The following MTUS2 variants were observed in gnomAD, a reference collection of about 807,000 sequenced individuals.
MTUS2 encodes the protein microtubule associated scaffold protein 2.
In MTUS2, 40 loss-of-function variants were observed where a neutral mutation model predicts 114.1. That is an observed-to-expected ratio of 0.35 (90% CI 0.27 to 0.46). MTUS2 has a LOEUF of 0.46. MTUS2 is among the 20% of genes least tolerant of loss of function. MTUS2 has a pLI of 1.00. For missense variants in MTUS2, 1,679 were observed against 1,705.4 expected (o/e 0.98, Z 0.27); for synonymous variants, 688 against 672.0 (o/e 1.02, Z -0.37).
chr13:29,467,595 G>A (rs1239301033), intron 9 of MTUS2, among the ~76,000 whole-genome samples: 1 of 151,628 alleles, frequency 6.6e-6, no homozygotes. Context: ...CTGTTTATGG[G>A]CAGTAGTGTT....
intron 6 of MTUS2, among the ~76,000 whole-genome samples, chr13:29,289,464 CTTTTT>C: frequency 7.2e-6 from 1 of 139,718 alleles, no homozygotes; most frequent in African/African-American, 2.7e-5. Flanking sequence ...GTAGGCATTT[CTTTTT>C]TTTTTTTTTT....
At chr13:29,399,482 G>A (rs1324707427) in intron 8 of MTUS2, among the ~76,000 whole-genome samples, 1 of 151,982 alleles carries the variant, frequency 6.6e-6, no homozygotes, top group African/African-American at 2.4e-5. Flanking sequence ...TCCAATACAC[G>A]GTTCAAAGAT....
At chr13:28,835,719 C>G (rs972243826) in intron 1 of MTUS2, among the ~76,000 whole-genome samples, 2 of 152,062 alleles carry the variant, frequency 1.3e-5, no homozygotes, top group African/African-American at 4.8e-5. Flanking sequence ...AGTTTTAGTT[C>G]CCCCCAAGGC....
intron 2 of MTUS2, among the ~76,000 whole-genome samples, chr13:28,854,408 A>G (rs1384896620): frequency 6.6e-6 from 1 of 152,172 alleles, no homozygotes; most frequent in East Asian, 1.9e-4. Context: ...CCACATCTGT[A>G]AAACAGAGAC....
rs1895223846 is a variant in MTUS2 at position 29,207,166 on chromosome 13, T to C, written c.2645-74538T>C. On this transcript the variant is annotated intron_variant, in intron 5 of 15. Transcript: ENST00000612955. ...TATACTCCTAAGTGTTTTTTGTTTGTTTGTTTCTTTGTTTTGCAGCTATTG... is the reference window on the plus strand; with the variant it reads ...TATACTCCTAAGTGTTTTTTGTTTGCTTGTTTCTTTGTTTTGCAGCTATTG... Among the ~76,000 whole-genome samples, 5 of 152,072 alleles carry C rather than the reference T, an allele frequency of 3.3e-5. No homozygotes were observed. The East Asian group carries it at 7.7e-4, about 23-fold the overall frequency.
chr13:29,448,208 C>T (rs1327251154), intron 9 of MTUS2, among the ~76,000 whole-genome samples: 1 of 152,128 alleles, frequency 6.6e-6, no homozygotes, highest in Non-Finnish European at 1.5e-5. Context: ...TGCAATGCAG[C>T]GGTGATACAA....
At chr13:29,418,958 C>T (rs1326437270) in intron 8 of MTUS2, among the ~76,000 whole-genome samples, 1 of 152,196 alleles carries the variant, frequency 6.6e-6, no homozygotes, top group Non-Finnish European at 1.5e-5. Context: ...GTGTTTCAGC[C>T]AGCCAAACTG....
At chr13:29,364,700 G>C (rs1247976336) in intron 8 of MTUS2, among the ~76,000 whole-genome samples, 1 of 152,208 alleles carries the variant, frequency 6.6e-6, no homozygotes, top group Non-Finnish European at 1.5e-5. Flanking sequence ...TAAAGCAGTA[G>C]AGAAGCTATT....
At chr13:29,040,314 C>A (rs1468011942) in intron 4 of MTUS2, among the ~76,000 whole-genome samples, 1 of 152,248 alleles carries the variant, frequency 6.6e-6, no homozygotes, top group African/African-American at 2.4e-5. Context: ...CTTTTTAAGG[C>A]TCATTAGTAT....
chr13:28,826,063 C>T (rs977413656), intron 1 of MTUS2, among the ~76,000 whole-genome samples: 1 of 152,000 alleles, frequency 6.6e-6, no homozygotes, highest in Non-Finnish European at 1.5e-5. Flanking sequence ...GGGCCTTCTT[C>T]TAATTGGTTG....
At chr13:28,987,001 C>G (rs1031250506) in intron 2 of MTUS2, among the ~76,000 whole-genome samples, 5 of 152,184 alleles carry the variant, frequency 3.3e-5, no homozygotes, top group Non-Finnish European at 7.3e-5. Context: ...TTGTTATATA[C>G]TCCCATGGTG....
At chr13:29,352,937 CT>C (rs1290320256) in intron 7 of MTUS2, among the ~76,000 whole-genome samples, 3 of 152,082 alleles carry the variant, frequency 2.0e-5, no homozygotes, top group African/African-American at 7.2e-5. Context: ...TCTTCCTTGT[CT>C]TACTTGACAT....
At chr13:28,926,605 T>C (rs1441852737) in intron 2 of MTUS2, among the ~76,000 whole-genome samples, 1 of 152,172 alleles carries the variant, frequency 6.6e-6, no homozygotes, top group Non-Finnish European at 1.5e-5. Context: ...GGCCAGCCAT[T>C]TTATTGTCTA....
At chr13:29,371,085 A>G (rs1871150215) in intron 8 of MTUS2, among the ~76,000 whole-genome samples, 1 of 152,226 alleles carries the variant, frequency 6.6e-6, no homozygotes, top group African/African-American at 2.4e-5. Context: ...CTGTTTCTTC[A>G]ACCTCAAAAA....
chr13:29,278,171 G>T (rs183031987), intron 5 of MTUS2, among the ~76,000 whole-genome samples: 118 of 152,314 alleles, frequency 7.7e-4, no homozygotes, highest in African/African-American at 2.7e-3. Flanking sequence ...GTGGATTGAT[G>T]ATGTAAATGT....
rs777488505 is a variant in MTUS2, at chr13:29,025,057, G to A, written c.359G>A (p.Ser120Asn). The A allele has an allele frequency of 3.1e-6, 5 of 1,613,856 alleles. No homozygotes were observed. In the African/African-American group the frequency reaches 6.7e-5, roughly 22 times the overall value. Reference protein sequence around the residue: ...EEHTVERGTDSLQTTRSIQGP... With the variant: ...EEHTVERGTDNLQTTRSIQGP... ...CACACAGTGGAGAGAGGCACAGATA[G>A]CCTGCAGACCACGCGGAGTATTCAG... Residue 120 changes from serine (S) to asparagine (N), a missense_variant, in exon 3 of 16, where the codon AGC becomes AAC. By Grantham distance (46) the Ser-to-Asn change is conservative (BLOSUM62 1). This residue lies in a region of MTUS2 where 843 missense variants were observed against 770.8 expected (regional missense o/e 1.09). Coordinates refer to ENST00000612955, the MANE Select transcript of MTUS2 (RefSeq NM_001033602.4).
intron 11 of MTUS2, among the ~76,000 whole-genome samples, chr13:29,489,248 A>G (rs1881875973): frequency 6.6e-6 from 1 of 152,236 alleles, no homozygotes; most frequent in South Asian, 2.1e-4. Flanking sequence ...CTCCAGCAAC[A>G]AGAGCGAAAC....
At chr13:29,398,485 GAA>G (rs1874079356) in intron 8 of MTUS2, among the ~76,000 whole-genome samples, 1 of 103,958 alleles carries the variant, frequency 9.6e-6, no homozygotes, top group African/African-American at 3.2e-5. Flanking sequence ...AAAAAAGAAA[GAA>G]AAAGAAAAAA....
At chr13:29,478,915 G>A (rs1483523158) in intron 9 of MTUS2, among the ~76,000 whole-genome samples, 3 of 152,146 alleles carry the variant, frequency 2.0e-5, no homozygotes, top group African/African-American at 4.8e-5. Flanking sequence ...AATATCTAGC[G>A]AATCCATCAC....
Sources: gnomAD v4.1 joint callset for allele counts (sites outside exome capture counted in the v4.1 genomes callset) on GRCh38, gnomAD v4.1.1 for gene constraint, gnomAD v4.1.1 regional missense constraint, MANE v1.5 for transcripts, NCBI Gene and HGNC (gene_info 2026-07-23, HGNC 2026-07-21) for gene names.